PLAA: variants seen among roughly 807,000 people sequenced by gnomAD.
The protein encoded by PLAA is phospholipase A-2-activating protein.
PLAA carries 48 observed loss-of-function variants against 84.1 expected under a neutral mutation model. The ratio of observed to expected loss-of-function variants is 0.57; its 90% confidence interval spans 0.45 to 0.73. PLAA has a LOEUF of 0.73. Among genes scored for constraint, PLAA ranks in the 30% least tolerant of loss-of-function variants. The probability of loss-of-function intolerance (pLI) is 0.00; values close to 1 mark genes in which losing one functional copy is unlikely to be tolerated. For synonymous variants in PLAA, 392 were observed against 336.6 expected (o/e 1.16, Z -1.80); for missense variants, 903 against 954.7 (o/e 0.95, Z 0.71).
At chr9:26,917,248 C>T in intron 9 of PLAA, 83 bp from the exon 10 acceptor site, 4 of 1,075,710 alleles carry the variant, frequency 3.7e-6, no homozygotes, top group Non-Finnish European at 5.7e-6. Context: ...TTTAGAAGAA[C>T]CTACATTTGG....
chr9:26,907,138 T>C (rs1472690693), intron 13 of PLAA, among the ~76,000 whole-genome samples: 1 of 148,098 alleles, frequency 6.8e-6, no homozygotes, highest in African/African-American at 2.5e-5. Flanking sequence ...ACTGACATAA[T>C]TGGAAAAAAA....
intron 2 of PLAA, among the ~76,000 whole-genome samples, chr9:26,933,226 C>G (rs1422233631): frequency 1.3e-5 from 2 of 151,472 alleles, no homozygotes; most frequent in Non-Finnish European, 2.9e-5. Flanking sequence ...CAAGATCACG[C>G]CACTGCACTC....
At chr9:26,919,601 A>G in intron 8 of PLAA, 72 bp from the exon 9 acceptor site, 2 of 805,964 alleles carry the variant, frequency 2.5e-6, no homozygotes, top group Non-Finnish European at 4.1e-6. Context: ...TATACAACAT[A>G]ACACAGATGT....
At chr9:26,925,400 C>T (rs1300824020) in intron 6 of PLAA, among the ~76,000 whole-genome samples, 1 of 152,236 alleles carries the variant, frequency 6.6e-6, no homozygotes, top group East Asian at 1.9e-4. Flanking sequence ...CCTTCACTTC[C>T]TATGCATGCT....
chr9:26,910,577 GA>G, intron 11 of PLAA, 138 bp from the exon 12 acceptor site: 2 of 461,062 alleles, frequency 4.3e-6, no homozygotes, highest in Admixed American at 3.7e-5. Context: ...ACCTCAAGGG[GA>G]AAAATATCCA....
At chr9:26,907,302 G>C (rs530313421) in intron 13 of PLAA, among the ~76,000 whole-genome samples, 2 of 152,154 alleles carry the variant, frequency 1.3e-5, no homozygotes, top group South Asian at 4.1e-4. Flanking sequence ...GGCTGAGGCG[G>C]GAGGATCACG....
intron 13 of PLAA, among the ~76,000 whole-genome samples, chr9:26,906,504 T>A (rs967850874): frequency 6.8e-6 from 1 of 147,548 alleles, no homozygotes; most frequent in African/African-American, 2.5e-5. Context: ...CTCGGCTCAC[T>A]GCAACCTCCA....
At chr9:26,934,565 T>G (rs1825298693) in intron 2 of PLAA, among the ~76,000 whole-genome samples, 1 of 149,524 alleles carries the variant, frequency 6.7e-6, no homozygotes, top group Non-Finnish European at 1.5e-5. Context: ...TTGTAACCTC[T>G]GCCTGCCAGG....
At chr9:26,931,024 G>T (rs1397822549) in intron 2 of PLAA, among the ~76,000 whole-genome samples, 1 of 151,962 alleles carries the variant, frequency 6.6e-6, no homozygotes, top group South Asian at 2.1e-4. Context: ...GAGGTCTAGA[G>T]CAAGAAGTGT....
intron 7 of PLAA, among the ~76,000 whole-genome samples, chr9:26,920,828 A>G (rs992232925): frequency 6.6e-6 from 1 of 152,030 alleles, no homozygotes; most frequent in African/African-American, 2.4e-5. Context: ...TATCTAGAAA[A>G]CTGTCTCCTT....
intron 13 of PLAA, among the ~76,000 whole-genome samples, chr9:26,906,532 A>G (rs917537116): frequency 1.7e-4 from 25 of 150,650 alleles, no homozygotes; most frequent in African/African-American, 5.9e-4. Flanking sequence ...GGTTCAAGCA[A>G]TTCTCCTGTC....
intron 2 of PLAA, among the ~76,000 whole-genome samples, chr9:26,931,934 A>C (rs901013318): frequency 1.6e-4 from 25 of 152,150 alleles, no homozygotes; most frequent in African/African-American, 4.6e-4. Context: ...AAACTACAAA[A>C]AACTTAGCTG....
Position 26,904,685 on chromosome 9 carries a change from AAAT to A in PLAA, c.*823_*825del, listed in dbSNP as rs1348124969. On this transcript the variant is annotated 3_prime_UTR_variant, in exon 14 of 14. Coordinates refer to ENST00000397292, the MANE Select transcript of PLAA (RefSeq NM_001031689.3). Reference sequence around the variant, plus strand: ...TTCACATGACAGGTTCTAGACTTTCAAATAATACAGTTTGATGTACTCTTGCTT... The same window carrying A: ...TTCACATGACAGGTTCTAGACTTTCAAATACAGTTTGATGTACTCTTGCTT... The A allele has an allele frequency of 9.2e-5, 14 of 152,326 alleles. No individual in the cohort carries two copies. Among genetic ancestry groups the A allele is most frequent in the Admixed American group, 7.8e-4 (12 of 15,308 alleles). 9.4% of individuals were successfully genotyped at this position (152,326 alleles called of 1,614,324 possible). A position where few individuals can be genotyped will look rare whatever the true frequency, so the allele number is the denominator to read the frequency against.
intron 2 of PLAA, among the ~76,000 whole-genome samples, chr9:26,928,742 A>C (rs971988777): frequency 2.6e-5 from 4 of 152,254 alleles, no homozygotes; most frequent in Non-Finnish European, 5.9e-5. Context: ...ATAGGGAGAT[A>C]ATGTAAATGA....
chr9:26,915,624 A>T, intron 10 of PLAA: 1 of 849,916 alleles, frequency 1.2e-6, no homozygotes, highest in Non-Finnish European at 1.4e-6. Context: ...TCATACCTCA[A>T]TATGGTAGAT....
intron 6 of PLAA, 30 bp from the exon 7 acceptor site, chr9:26,923,377 G>A: frequency 6.6e-7 from 1 of 1,504,338 alleles, no homozygotes; most frequent in African/African-American, 1.4e-5. Context: ...GATTTTAGAA[G>A]TCATTGCCAT....
At chr9:26,923,949 T>C (rs1824854164) in intron 6 of PLAA, among the ~76,000 whole-genome samples, 1 of 152,230 alleles carries the variant, frequency 6.6e-6, no homozygotes, top group Admixed American at 6.5e-5. Context: ...CCTGGCCCAT[T>C]CTACAGGAAA....
chr9:26,911,139 T>C (rs917464260), intron 11 of PLAA, among the ~76,000 whole-genome samples: 4 of 152,096 alleles, frequency 2.6e-5, no homozygotes, highest in Admixed American at 2.6e-4. Flanking sequence ...CCATGGTGGT[T>C]TGCTGAGGAG....
rs1010405256 is a variant in PLAA at position 26,925,709 on chromosome 9, T to C, written c.869+116A>G. The C allele has an allele frequency of 2.2e-5, 17 of 764,128 alleles. No homozygotes were observed. In the African/African-American group the frequency reaches 2.3e-4, roughly 10 times the overall value. The allele number at this position is 764,128 out of a possible 1,614,324, so 47.3% of individuals were successfully genotyped here. ...CTACTGTTTTGTTTAGTAATTGAAG[T>C]GTCCATATAGTCTCCTCAAGTCACG... On this transcript the variant is annotated intron_variant, in intron 6 of 13. Transcript: ENST00000397292.
Sources: allele counts gnomAD v4.1 joint callset (sites outside exome capture counted in the v4.1 genomes callset), GRCh38; gene constraint gnomAD v4.1.1; transcripts MANE v1.5; gene names NCBI Gene and HGNC (gene_info 2026-07-23, HGNC 2026-07-21).